Variants in QTMAN observed in about 807,000 individuals in gnomAD.
QTMAN encodes the protein tRNA-queuosine alpha-mannosyltransferase.
the QTMAN span, among the ~76,000 whole-genome samples, chr2:144,284,809 G>T: frequency 1.3e-5 from 2 of 152,128 alleles, no homozygotes; most frequent in African/African-American, 4.8e-5. Flanking sequence ...GTGGAGTGAG[G>T]ACTGCTTGAG....
chr2:144,163,956 G>A, the QTMAN span, among the ~76,000 whole-genome samples: 1 of 151,950 alleles, frequency 6.6e-6, no homozygotes, highest in African/African-American at 2.4e-5. Context: ...ACAGAGTATT[G>A]CTCTGTCACC....
At chr2:144,173,572 A>G in the QTMAN span, among the ~76,000 whole-genome samples, 1 of 152,066 alleles carries the variant, frequency 6.6e-6, no homozygotes, top group Non-Finnish European at 1.5e-5. Context: ...TCCCCAACTG[A>G]CCCTCAGTTA....
At chr2:144,013,469 A>G in the QTMAN span, among the ~76,000 whole-genome samples, 4 of 152,172 alleles carry the variant, frequency 2.6e-5, no homozygotes, top group Non-Finnish European at 4.4e-5. Flanking sequence ...AAAGAATGAG[A>G]AATACATTTA....
At chr2:144,327,204 C>CA in the QTMAN span, among the ~76,000 whole-genome samples, 2 of 152,156 alleles carry the variant, frequency 1.3e-5, no homozygotes, top group Non-Finnish European at 2.9e-5. Flanking sequence ...GAGATGCACT[C>CA]AGAGATCACA....
chr2:144,208,886 A>C, the QTMAN span: 6 of 725,824 alleles, frequency 8.3e-6, no homozygotes, highest in South Asian at 1.6e-4. Flanking sequence ...CAAATTTCAT[A>C]CTCAGAAAAT....
the QTMAN span, among the ~76,000 whole-genome samples, chr2:144,183,966 T>C: frequency 6.6e-6 from 1 of 152,086 alleles, no homozygotes; most frequent in Non-Finnish European, 1.5e-5. Context: ...ACCACCCTCA[T>C]GATGGCTACG....
chr2:144,127,885 TG>T, the QTMAN span: 1 of 151,938 alleles, frequency 6.6e-6, no homozygotes, highest in Admixed American at 6.6e-5. Flanking sequence ...TTATAACACA[TG>T]AAACTCTCCC....
chr2:144,197,515 A>G, the QTMAN span, among the ~76,000 whole-genome samples: 1 of 152,190 alleles, frequency 6.6e-6, no homozygotes, highest in Non-Finnish European at 1.5e-5. Flanking sequence ...ATTTATTATT[A>G]GCATTATCTA....
chr2:144,277,101 T>C, the QTMAN span, among the ~76,000 whole-genome samples: 1 of 152,190 alleles, frequency 6.6e-6, no homozygotes, highest in Admixed American at 6.5e-5. Context: ...ACTAGCCACA[T>C]GTAGCTTGAG....
chr2:144,128,490 C>T, the QTMAN span, among the ~76,000 whole-genome samples: 2 of 152,022 alleles, frequency 1.3e-5, no homozygotes, highest in Non-Finnish European at 1.5e-5. Context: ...TTTCTGAATA[C>T]CATCTATTCC....
chr2:144,072,893 T>G, the QTMAN span, among the ~76,000 whole-genome samples: 2 of 152,204 alleles, frequency 1.3e-5, no homozygotes, highest in Non-Finnish European at 2.9e-5. Flanking sequence ...GCAAAGATCT[T>G]GACTCCTAAG....
the QTMAN span, among the ~76,000 whole-genome samples, chr2:144,276,773 A>G: frequency 6.6e-6 from 1 of 152,188 alleles, no homozygotes; most frequent in Non-Finnish European, 1.5e-5. Flanking sequence ...AATGGTCTAC[A>G]CTCGCATGGC....
At chr2:144,108,226 T>C in the QTMAN span, among the ~76,000 whole-genome samples, 1 of 152,174 alleles carries the variant, frequency 6.6e-6, no homozygotes, top group Non-Finnish European at 1.5e-5. Flanking sequence ...ACCACTCCTA[T>C]TCAACATAGT....
At chr2:144,061,569 G>A in the QTMAN span, among the ~76,000 whole-genome samples, 4 of 152,074 alleles carry the variant, frequency 2.6e-5, no homozygotes, top group African/African-American at 9.7e-5. Context: ...AACATTTATT[G>A]AGTACTTATG....
chr2:144,164,283 G>A, the QTMAN span, among the ~76,000 whole-genome samples: 1 of 151,806 alleles, frequency 6.6e-6, no homozygotes, highest in East Asian at 1.9e-4. Context: ...TTCCTCATGT[G>A]ATAAATGGGC....
chr2:143,982,010 T>C, the QTMAN span, among the ~76,000 whole-genome samples: 1 of 152,142 alleles, frequency 6.6e-6, no homozygotes, highest in African/African-American at 2.4e-5. Context: ...TTATTTCAGG[T>C]TATTAAGAAC....
chr2:144,316,572 T>C, the QTMAN span, among the ~76,000 whole-genome samples: 2 of 152,146 alleles, frequency 1.3e-5, no homozygotes, highest in Non-Finnish European at 2.9e-5. Context: ...ATGAGTTTTG[T>C]ACCATGGCAT....
At chr2:144,305,975 A>C in the QTMAN span, among the ~76,000 whole-genome samples, 5 of 152,334 alleles carry the variant, frequency 3.3e-5, no homozygotes, top group Non-Finnish European at 7.4e-5. Flanking sequence ...TTCTATATAG[A>C]AGATCATGTC....
At chr2:144,080,685 T>C in the QTMAN span, among the ~76,000 whole-genome samples, 2 of 152,180 alleles carry the variant, frequency 1.3e-5, no homozygotes, top group Admixed American at 1.3e-4. Context: ...TGGGTGAACA[T>C]AGACTAAAAA....
Sources: allele counts gnomAD v4.1 joint callset (sites outside exome capture counted in the v4.1 genomes callset), GRCh38; gene constraint gnomAD v4.1.1; transcripts MANE v1.5; gene names NCBI Gene and HGNC (gene_info 2026-07-23, HGNC 2026-07-21).